ATRNL1: variants seen among roughly 807,000 people sequenced by gnomAD.
ATRNL1 encodes attractin-like protein 1.
A neutral mutation model predicts 182.7 loss-of-function variants in ATRNL1; 95 were observed. The observed-to-expected ratio is 0.52, with a 90% CI of 0.44 to 0.62. ATRNL1 has a LOEUF of 0.62. Among genes scored for constraint, ATRNL1 ranks in the 20% least tolerant of loss-of-function variants. The pLI is 0.00. For synonymous variants in ATRNL1, 576 were observed against 568.3 expected, an observed-to-expected ratio of 1.01 and a Z score of -0.19; for missense variants, 1,471 against 1,679.5, an observed-to-expected ratio of 0.88 and a Z score of 2.17.
chr10:115,194,600 G>A (rs1848289040), intron 8 of ATRNL1, among the ~76,000 whole-genome samples: 1 of 151,738 alleles, frequency 6.6e-6, no homozygotes, highest in Non-Finnish European at 1.5e-5. Context: ...TATGGGTGAA[G>A]TGTTTCTTCT....
chr10:115,323,599 C>T lies in ATRNL1; in HGVS notation c.3037+7863C>T, dbSNP rs1275522641. On this transcript the variant is annotated intron_variant, in intron 18 of 28. Transcript: ENST00000355044. ...AGCTGGGATTACAGGCATGTGCCAC[C>T]ACACCTGACTAATTTTGTATTTTTA... Among the ~76,000 whole-genome samples the T allele has an allele frequency of 1.3e-5, 2 of 151,310 alleles. 1 individual carries two copies. Among genetic ancestry groups the T allele is most frequent in the African/African-American group, 4.9e-5 (2 of 41,126 alleles).
chr10:115,532,899 T>G (rs1851684530), intron 25 of ATRNL1, among the ~76,000 whole-genome samples: 1 of 152,062 alleles, frequency 6.6e-6, no homozygotes, highest in Admixed American at 6.6e-5. Flanking sequence ...TGGTTCTGTT[T>G]ATATGCTGGA....
At chr10:115,886,332 T>A (rs540875371) in intron 28 of ATRNL1, among the ~76,000 whole-genome samples, 3 of 152,232 alleles carry the variant, frequency 2.0e-5, no homozygotes, top group Non-Finnish European at 4.4e-5. Flanking sequence ...CTGACTAACA[T>A]GGAGAAACCC....
At chr10:115,625,025 G>A (rs758464079) in intron 26 of ATRNL1, among the ~76,000 whole-genome samples, 2 of 152,070 alleles carry the variant, frequency 1.3e-5, no homozygotes, top group Non-Finnish European at 2.9e-5. Context: ...AATTCAAGGG[G>A]ATACTTTGTG....
At chr10:115,881,692 A>G (rs1272849057) in intron 28 of ATRNL1, among the ~76,000 whole-genome samples, 1 of 152,196 alleles carries the variant, frequency 6.6e-6, no homozygotes, top group African/African-American at 2.4e-5. Context: ...ATTATAGGCT[A>G]TCTTCTTCTT....
chr10:115,185,625 TGCAAAAGTCATA>T (rs1847909915), intron 8 of ATRNL1, among the ~76,000 whole-genome samples: 1 of 152,030 alleles, frequency 6.6e-6, no homozygotes. Flanking sequence ...AAAATCATTT[TGCAAAAGTCATA>T]GTAAAAGTTG....
rs149112471 is a variant in ATRNL1, at chr10:115,488,036, G to A, written c.3654+18707G>A. On this transcript the variant is annotated intron_variant, in intron 24 of 28. Coordinates refer to ENST00000355044, the MANE Select transcript of ATRNL1 (RefSeq NM_207303.4). ...GCGATGGACTAGTTTATTGATTTGC[G>A]TATGTTGAACCAGTCTTGCATCTCA... Among the ~76,000 whole-genome samples, 928 of 152,222 alleles carry A rather than the reference G, an allele frequency of 6.1e-3. 7 individuals are homozygous for A. The highest frequency in any genetic ancestry group is 0.021 in the African/African-American group (872 of 41,530).
intron 13 of ATRNL1, among the ~76,000 whole-genome samples, chr10:115,277,101 A>G (rs188378771): frequency 2.0e-3 from 298 of 152,142 alleles, no homozygotes; most frequent in African/African-American, 6.8e-3. Flanking sequence ...TTAGAACTAT[A>G]CTGTAATGAT....
chr10:115,891,762 T>C (rs1448203647), intron 28 of ATRNL1, among the ~76,000 whole-genome samples: 2 of 152,176 alleles, frequency 1.3e-5, no homozygotes, highest in African/African-American at 4.8e-5. Flanking sequence ...TTTTACCGGT[T>C]AGATTATCTG....
chr10:115,757,140 G>A (rs149269720), intron 27 of ATRNL1, among the ~76,000 whole-genome samples: 2,996 of 151,996 alleles, frequency 0.02, 42 homozygotes, highest in Non-Finnish European at 0.029. Flanking sequence ...TTTTAATTAG[G>A]GCATTTAGCC....
chr10:115,440,688 A>G (rs1211523971), intron 21 of ATRNL1, among the ~76,000 whole-genome samples: 1 of 151,784 alleles, frequency 6.6e-6, no homozygotes, highest in East Asian at 1.9e-4. Context: ...TGTTTCTTCT[A>G]TCTACTTGTG....
chr10:115,534,065 A>T (rs1257832038), intron 25 of ATRNL1, among the ~76,000 whole-genome samples: 1 of 151,970 alleles, frequency 6.6e-6, no homozygotes, highest in South Asian at 2.1e-4. Flanking sequence ...TGGTGCTGAA[A>T]AAAATGTATA....
chr10:115,300,723 TA>T (rs547281994), intron 16 of ATRNL1, among the ~76,000 whole-genome samples: 20 of 152,208 alleles, frequency 1.3e-4, no homozygotes, highest in Non-Finnish European at 2.6e-4. Context: ...TTTATCATGG[TA>T]AAATGTACTT....
In ATRNL1 at chr10:115,230,907, G is replaced by GAA. The variant is rs1554899820; in HGVS notation, c.1533-10663_1533-10662insAA. Among the ~76,000 whole-genome samples, 462 of 142,252 alleles carry GAA rather than the reference G, an allele frequency of 3.2e-3. 5 individuals carry two copies. The highest frequency in any genetic ancestry group is 0.013 in the African/African-American group (444 of 34,566). 93.3% of individuals were successfully genotyped at this position (142,252 alleles called of 152,430 possible). A position where few individuals can be genotyped will look rare whatever the true frequency, so the allele number is the denominator to read the frequency against. ...AGAGAGAGAGAGAGAGAGAGAGAGA[G>GAA]AGAGAGAGAGAGAGAAAGAGAGAAA... On this transcript the variant is annotated intron_variant, in intron 9 of 28. Transcript: ENST00000355044.
chr10:115,500,444 A>AT (rs59868734), intron 24 of ATRNL1, among the ~76,000 whole-genome samples: 8,047 of 151,778 alleles, frequency 0.053, 682 homozygotes, highest in African/African-American at 0.18. Context: ...AGTTTTTGAA[A>AT]TTTTTTTTTC....
At chr10:115,321,299 A>G (rs2134031201) in intron 18 of ATRNL1, among the ~76,000 whole-genome samples, 1 of 152,262 alleles carries the variant, frequency 6.6e-6, no homozygotes, top group South Asian at 2.1e-4. Context: ...CTTGAGGGTC[A>G]GCAAGTCTGT....
intron 28 of ATRNL1, among the ~76,000 whole-genome samples, chr10:115,934,607 T>C (rs1555122423): frequency 6.6e-6 from 1 of 152,122 alleles, no homozygotes; most frequent in Non-Finnish European, 1.5e-5. Context: ...CTCCTAAATA[T>C]CTATCCTGTC....
At chr10:115,873,729 G>A (rs150655220) in intron 28 of ATRNL1, among the ~76,000 whole-genome samples, 144 of 152,276 alleles carry the variant, frequency 9.5e-4, no homozygotes, top group Admixed American at 3.0e-3. Flanking sequence ...CAGTCAAAAC[G>A]GCAGAGGGAA....
chr10:115,420,880 C>T lies in ATRNL1; in HGVS notation c.3270-5370C>T, dbSNP rs563969506. ...AAAAAGGAGACATCGCAACTGATAC[C>T]ACAGCAATACAAAGGATCATTAGAG... is the stretch of plus-strand genomic sequence containing the variant. On this transcript the variant is annotated intron_variant, in intron 20 of 28. Transcript: ENST00000355044. Among the ~76,000 whole-genome samples the T allele has an allele frequency of 5.3e-4, 81 of 152,022 alleles. No individual in the cohort carries two copies. In the Middle Eastern group the frequency reaches 0.017, roughly 32 times the overall value.
Sources: gnomAD v4.1 joint callset for allele counts (sites outside exome capture counted in the v4.1 genomes callset) on GRCh38, gnomAD v4.1.1 for gene constraint, MANE v1.5 for transcripts, NCBI Gene and HGNC (gene_info 2026-07-23, HGNC 2026-07-21) for gene names.